The following PUM3 variants were observed in gnomAD, a reference collection of about 807,000 sequenced individuals.
PUM3 encodes the protein pumilio homolog 3.
PUM3 carries 91 observed loss-of-function variants against 84.0 expected under a neutral mutation model. The ratio of observed to expected loss-of-function variants is 1.08; its 90% confidence interval spans 0.91 to 1.29. PUM3 has a LOEUF of 1.29. Ranked by LOEUF, PUM3 falls within the 50% of genes most tolerant of loss-of-function variation. The pLI is 0.00. For synonymous variants in PUM3, 321 were observed against 266.7 expected, an observed-to-expected ratio of 1.20 and a Z score of -1.98; for missense variants, 1,067 against 767.5, an observed-to-expected ratio of 1.39 and a Z score of -4.61.
intron 17 of PUM3, among the ~76,000 whole-genome samples, chr9:2,806,597 T>A (rs1217574157): frequency 6.6e-6 from 1 of 152,246 alleles, no homozygotes; most frequent in Non-Finnish European, 1.5e-5. Context: ...CAAAGCAACA[T>A]ACAAATCTTT....
chr9:2,826,937 T>G, intron 10 of PUM3, 136 bp downstream of exon 10: 1 of 663,644 alleles, frequency 1.5e-6, no homozygotes, highest in East Asian at 2.9e-5. Flanking sequence ...TCAAAGGGAG[T>G]TGAGTAAATT....
intron 3 of PUM3, among the ~76,000 whole-genome samples, chr9:2,836,927 C>T (rs932268246): frequency 6.6e-6 from 1 of 152,166 alleles, no homozygotes; most frequent in Non-Finnish European, 1.5e-5. Context: ...TGAGGTTCCA[C>T]TGTATAAAGC....
intron 13 of PUM3, 143 bp from the exon 14 acceptor site, chr9:2,812,505 C>A: frequency 1.7e-6 from 1 of 589,672 alleles, no homozygotes; most frequent in Non-Finnish European, 2.9e-6. Context: ...TATGTGCTGC[C>A]AAAGTGAGCA....
chr9:2,811,230 T>A (rs1422071959), intron 15 of PUM3, 131 bp downstream of exon 15: 1 of 696,330 alleles, frequency 1.4e-6, no homozygotes, highest in Non-Finnish European at 2.5e-6. Context: ...ATTGCTGCTG[T>A]GAGAGGTTCT....
intron 12 of PUM3, among the ~76,000 whole-genome samples, chr9:2,820,905 GA>G (rs1441274046): frequency 6.6e-6 from 1 of 152,020 alleles, no homozygotes; most frequent in Non-Finnish European, 1.5e-5. Context: ...AAAAACAAAA[GA>G]AAACAAAAAC....
At chr9:2,829,731 T>C (rs1815920172) in intron 8 of PUM3, 43 bp downstream of exon 8, 1 of 1,548,446 alleles carries the variant, frequency 6.5e-7, no homozygotes, top group Admixed American at 1.8e-5. Context: ...GAAGAGCATA[T>C]CGAAAAGTAA....
chr9:2,820,728 C>T (rs1821572562), intron 12 of PUM3, among the ~76,000 whole-genome samples: 1 of 151,990 alleles, frequency 6.6e-6, no homozygotes, highest in Non-Finnish European at 1.5e-5. Context: ...TAATTATACA[C>T]TGAATGAGAA....
chr9:2,826,909 T>C (rs1815837052), intron 10 of PUM3, among the ~76,000 whole-genome samples, 164 bp downstream of exon 10: 1 of 152,180 alleles, frequency 6.6e-6, no homozygotes, highest in African/African-American at 2.4e-5. Flanking sequence ...AAAACCTAAA[T>C]GGAATTAGCA....
Position 2,827,083 on chromosome 9 carries a change from T to G in PUM3, c.1025A>C (p.Lys342Thr), listed in dbSNP as rs770792573. 1.9e-5 allele frequency: 30 copies of G among 1,608,554 alleles called. No homozygotes were observed. The highest frequency in any genetic ancestry group is 2.5e-5 in the Non-Finnish European group (30 of 1,177,888). Residue 342 changes from lysine (K) to threonine (T), a missense_variant, in exon 10 of 18, where the codon AAA becomes ACA. Physicochemically the swap from Lys to Thr is moderately conservative, Grantham distance 78. Coordinates refer to ENST00000397885, the MANE Select transcript of PUM3 (RefSeq NM_014878.5). Reference sequence around the variant, plus strand: ...AAACCAAGAACTTACTGATCTGAGTTTGGGGGGTGCATAGGTAAAAAAGTC... The same window carrying G: ...AAACCAAGAACTTACTGATCTGAGTGTGGGGGGTGCATAGGTAAAAAAGTC... The part of the protein sequence containing the change: ...FLDFFTYAPP[K>T]LRSEMIEAIR...
At chr9:2,837,550 C>T (rs1055407115) in intron 2 of PUM3, 149 bp from the exon 3 acceptor site, 3 of 593,618 alleles carry the variant, frequency 5.1e-6, no homozygotes, top group African/African-American at 3.8e-5. Context: ...TTGAGTAGAA[C>T]TGGATTTAAA....
chr9:2,838,005 T>C (rs916737777), intron 2 of PUM3, among the ~76,000 whole-genome samples: 1 of 152,162 alleles, frequency 6.6e-6, no homozygotes, highest in Admixed American at 6.5e-5. Flanking sequence ...ACATTAATCA[T>C]TTGTATAGTC....
At position 2,804,383 on chromosome 9, in the gene PUM3, G is replaced by GT; in HGVS notation, c.1894dup (p.Thr632AsnfsTer13). 6.2e-7 allele frequency: 1 copy of GT among 1,613,802 alleles called. No individual in the cohort carries two copies. Among genetic ancestry groups the GT allele is most frequent in the South Asian group, 1.1e-5 (1 of 91,030 alleles). On this transcript the variant is annotated frameshift_variant, in exon 18 of 18. Transcript: ENST00000397885. LOFTEE classifies it high-confidence loss of function. ...TTCTATTCCTTTGCTGGTGCTTTTG[G>GT]TTTTTTCCAATGTAGGAATCAAGCT...
At chr9:2,814,784 A>C (rs1821438940) in intron 13 of PUM3, among the ~76,000 whole-genome samples, 5 of 152,258 alleles carry the variant, frequency 3.3e-5, no homozygotes, top group Admixed American at 3.3e-4. Flanking sequence ...AACACCTTTA[A>C]AAATTTGTTT....
chr9:2,810,583 A>G, intron 15 of PUM3, 152 bp from the exon 16 acceptor site: 1 of 587,160 alleles, frequency 1.7e-6, no homozygotes, highest in Admixed American at 3.3e-5. Context: ...ATCTAGGACA[A>G]CCATCATACT....
At chr9:2,842,087 A>G (rs1816281017) in intron 1 of PUM3, among the ~76,000 whole-genome samples, 1 of 152,202 alleles carries the variant, frequency 6.6e-6, no homozygotes, top group Non-Finnish European at 1.5e-5. Flanking sequence ...ATGGAATCAT[A>G]CAATATGTAA....
Position 2,830,992 on chromosome 9 carries a change from C to T in PUM3, c.647G>A (p.Arg216Lys). 1.3e-6 allele frequency: 2 copies of T among 1,491,478 alleles called. No individual in the cohort carries two copies. The highest frequency in any genetic ancestry group is 1.9e-6 in the Non-Finnish European group (2 of 1,074,838). 92.4% of individuals were successfully genotyped at this position (1,491,478 alleles called of 1,614,324 possible). ...LVELSKAKYS[R>K]NIVKKFLMYG... Reference sequence around the variant, plus strand: ...CATGAGAAATTTCTTAACAATATTTCTCGAATATTTGGCTTTACTTAACTC... The same window carrying T: ...CATGAGAAATTTCTTAACAATATTTTTCGAATATTTGGCTTTACTTAACTC... The change falls in exon 7 of 18, where the codon AGA (arginine) becomes AAA (lysine). Residue 216 changes from arginine to lysine, a missense_variant. Coordinates refer to ENST00000397885, the MANE Select transcript of PUM3 (RefSeq NM_014878.5).
At position 2,837,459 on chromosome 9, in the gene PUM3, T is replaced by C. The variant is rs142975477; in HGVS notation, c.83-58A>G. 1.4e-4 allele frequency: 152 copies of C among 1,123,196 alleles called. 2 individuals are homozygous for C. In the Admixed American group the frequency reaches 3.2e-3, roughly 24 times the overall value. 69.6% of individuals were successfully genotyped at this position (1,123,196 alleles called of 1,614,324 possible). On this transcript the variant is annotated intron_variant, in intron 2 of 17. Transcript: ENST00000397885. ...TCTGGGCCCAAATCTCTTTTATCTATTGGATTATATCCATTACAGAAAATT... is the reference window on the plus strand; with the variant it reads ...TCTGGGCCCAAATCTCTTTTATCTACTGGATTATATCCATTACAGAAAATT...
At chr9:2,818,710 A>T (rs1462059666) in intron 13 of PUM3, among the ~76,000 whole-genome samples, 1 of 152,218 alleles carries the variant, frequency 6.6e-6, no homozygotes. Context: ...AGTCTTGCCA[A>T]CTTGTTTCTT....
chr9:2,825,444 C>G (rs1003013291), intron 10 of PUM3, among the ~76,000 whole-genome samples: 2 of 151,984 alleles, frequency 1.3e-5, no homozygotes, highest in African/African-American at 4.8e-5. Flanking sequence ...TTAATTTAAC[C>G]TTTAGCCTTC....
Sources: gnomAD v4.1 joint callset for allele counts (sites outside exome capture counted in the v4.1 genomes callset) on GRCh38, gnomAD v4.1.1 for gene constraint, MANE v1.5 for transcripts, NCBI Gene and HGNC (gene_info 2026-07-23, HGNC 2026-07-21) for gene names.